The following UGT1A9 variants were observed in gnomAD, a reference collection of about 807,000 sequenced individuals.
The protein encoded by UGT1A9 is UDP-glucuronosyltransferase 1A9.
Under a neutral mutation model 45.0 loss-of-function variants are expected in UGT1A9, and 35 were observed. That is an observed-to-expected ratio of 0.78 (90% CI 0.59 to 1.03). The LOEUF (loss-of-function observed/expected upper bound fraction) is 1.03, where lower values mean the gene tolerates loss of function less well. Ranked by LOEUF, UGT1A9 falls within the 50% of genes least tolerant of loss-of-function variation. The pLI, the probability that UGT1A9 is intolerant of heterozygous loss-of-function variation, is 0.00. For synonymous variants in UGT1A9, 278 were observed against 250.6 expected (o/e 1.11, Z -1.03); for missense variants, 687 against 666.6 (o/e 1.03, Z -0.34).
chr2:233,721,696 T>C (rs1281841318), intron 1 of UGT1A9: 6 of 355,902 alleles, frequency 1.7e-5, no homozygotes, highest in Non-Finnish European at 2.8e-5. Flanking sequence ...GCAAGACGCA[T>C]GGCTCATCTT....
At chr2:233,718,552 G>C (rs536854799) in intron 1 of UGT1A9, among the ~76,000 whole-genome samples, 10 of 152,348 alleles carry the variant, frequency 6.6e-5, no homozygotes, top group Admixed American at 2.6e-4. Context: ...GAATGAGAAA[G>C]AAGAGCTTGA....
intron 1 of UGT1A9, among the ~76,000 whole-genome samples, chr2:233,735,381 C>G (rs1160790318): frequency 6.6e-6 from 1 of 152,068 alleles, no homozygotes; most frequent in Non-Finnish European, 1.5e-5. Context: ...TCCTCCATCC[C>G]TTTATTTTGA....
chr2:233,732,960 T>C (rs2078342290), intron 1 of UGT1A9, among the ~76,000 whole-genome samples: 1 of 152,142 alleles, frequency 6.6e-6, no homozygotes, highest in South Asian at 2.1e-4. Context: ...TGTTCTTCCA[T>C]TTGTTTGTGT....
chr2:233,724,277 C>A (rs1162056701), intron 1 of UGT1A9, among the ~76,000 whole-genome samples: 1 of 115,790 alleles, frequency 8.6e-6, no homozygotes, highest in African/African-American at 3.3e-5. Context: ...GGCGGCTGGC[C>A]GGGCGGGGGG....
At chr2:233,719,353 G>A in intron 1 of UGT1A9, 3 of 1,613,930 alleles carry the variant, frequency 1.9e-6, no homozygotes, top group Non-Finnish European at 2.5e-6. Flanking sequence ...TACATTCCAT[G>A]TGACTTAGAC....
chr2:233,724,151 G>A (rs2077177263), intron 1 of UGT1A9, among the ~76,000 whole-genome samples: 1 of 124,618 alleles, frequency 8.0e-6, no homozygotes, highest in African/African-American at 3.6e-5. Flanking sequence ...CGGCTGGCCG[G>A]GTGGGGGGGC....
intron 1 of UGT1A9, chr2:233,760,619 A>G: frequency 6.2e-7 from 1 of 1,614,198 alleles, no homozygotes; most frequent in Non-Finnish European, 8.5e-7. Flanking sequence ...CGTGTGATCA[A>G]AACATACAAG....
chr2:233,767,792 T>C (rs1011366406), intron 2 of UGT1A9, 57 bp from the exon 3 acceptor site: 6 of 1,614,068 alleles, frequency 3.7e-6, no homozygotes, highest in Non-Finnish European at 3.4e-6. Context: ...ATAGCAGATT[T>C]GTTTTCTAAT....
At chr2:233,725,179 G>GAGAGGCAGAGGCAGAGGCAGAGGC (rs879478240) in intron 1 of UGT1A9, among the ~76,000 whole-genome samples, 3 of 67,606 alleles carry the variant, frequency 4.4e-5, no homozygotes, top group Non-Finnish European at 8.4e-5. Context: ...AGACCGTGGG[G>GAGAGGCAGAGGCAGAGGCAGAGGC]AGAGGCAGAG....
At chr2:233,706,910 C>G (rs1427558668) in intron 1 of UGT1A9, among the ~76,000 whole-genome samples, 1 of 152,188 alleles carries the variant, frequency 6.6e-6, no homozygotes. Flanking sequence ...ACAATCCTAG[C>G]TGCCAGAGTA....
At chr2:233,730,261 T>C (rs1457802984) in intron 1 of UGT1A9, among the ~76,000 whole-genome samples, 1 of 152,074 alleles carries the variant, frequency 6.6e-6, no homozygotes, top group East Asian at 1.9e-4. Context: ...ATAGAGACTG[T>C]TGGTTTGTAA....
chr2:233,762,496 C>A (rs923496675), intron 1 of UGT1A9, among the ~76,000 whole-genome samples: 3 of 152,178 alleles, frequency 2.0e-5, no homozygotes, highest in Non-Finnish European at 4.4e-5. Flanking sequence ...AATGCTATTA[C>A]TTTTTAAACT....
chr2:233,724,456 G>C (rs1266099425), intron 1 of UGT1A9, among the ~76,000 whole-genome samples: 1 of 126,638 alleles, frequency 7.9e-6, no homozygotes, highest in African/African-American at 3.1e-5. Flanking sequence ...GGCAGCTGCC[G>C]GGCGGAGGGG....
chr2:233,739,300 G>T (rs1406642019), intron 1 of UGT1A9, among the ~76,000 whole-genome samples: 2 of 152,210 alleles, frequency 1.3e-5, no homozygotes, highest in African/African-American at 2.4e-5. Flanking sequence ...CTGGGGCACT[G>T]CCTAGTGGAG....
At chr2:233,690,895 A>T (rs2075020121) in intron 1 of UGT1A9, 1 of 1,035,548 alleles carries the variant, frequency 9.7e-7, no homozygotes, top group African/African-American at 1.7e-5. Context: ...AAGGGATGGT[A>T]TGCATAGTGA....
intron 1 of UGT1A9, among the ~76,000 whole-genome samples, chr2:233,678,488 A>T (rs2074418530): frequency 6.6e-6 from 1 of 152,144 alleles, no homozygotes; most frequent in African/African-American, 2.4e-5. Flanking sequence ...CACTTGGTGT[A>T]ACCTTATGGA....
rs1316565909 is a variant in UGT1A9, at chr2:233,767,035, A to G, written c.857A>G (p.Glu286Gly). 6.2e-7 allele frequency: 1 copy of G among 1,614,064 alleles called. No homozygotes were observed. The highest frequency in any genetic ancestry group is 1.7e-5 in the Admixed American group (1 of 60,022). ...NCHQGKPLPM[E>G]FEAYINASGE... The stretch of plus-strand genomic sequence containing the variant: ...TGAAAATTTTTCTTCTGGCTCTAGG[A>G]ATTTGAAGCCTACATTAATGCTTCT... The change falls in exon 2 of 5, where the codon GAA (glutamate) becomes GGA (glycine). Residue 286 changes from glutamate to glycine, a missense_variant and splice_region_variant. Coordinates refer to ENST00000354728, the MANE Select transcript of UGT1A9 (RefSeq NM_021027.3).
At chr2:233,756,346 C>T (rs1696189939) in intron 1 of UGT1A9, 1 of 152,136 alleles carries the variant, frequency 6.6e-6, no homozygotes, top group South Asian at 2.1e-4. Context: ...CTCTTGATTA[C>T]TTTTACCTAA....
intron 1 of UGT1A9, among the ~76,000 whole-genome samples, chr2:233,701,608 A>G (rs2075638056): frequency 6.6e-6 from 1 of 152,234 alleles, no homozygotes; most frequent in African/African-American, 2.4e-5. Context: ...AGCACTCCTC[A>G]GCAAACGTAA....
Sources: allele counts gnomAD v4.1 joint callset (sites outside exome capture counted in the v4.1 genomes callset), GRCh38; gene constraint gnomAD v4.1.1; transcripts MANE v1.5; gene names NCBI Gene and HGNC (gene_info 2026-07-23, HGNC 2026-07-21).